The following TENM2 variants were observed in gnomAD, a reference collection of about 807,000 sequenced individuals.
TENM2 encodes teneurin-2.
In TENM2, 52 loss-of-function variants were observed where a neutral mutation model predicts 245.2. The ratio of observed to expected loss-of-function variants is 0.21; its 90% CI spans 0.17 to 0.27. The LOEUF is 0.27. TENM2 is among the 10% of genes least tolerant of loss of function. The probability of loss-of-function intolerance (pLI) is 1.00; values close to 1 mark genes in which losing one functional copy is unlikely to be tolerated. For synonymous variants in TENM2, 1,363 were observed against 1,438.9 expected (o/e 0.95, Z 1.19); for missense variants, 3,046 against 3,666.8 (o/e 0.83, Z 4.37).
intron 2 of TENM2, among the ~76,000 whole-genome samples, chr5:167,545,635 A>C (rs1313235269): frequency 6.6e-6 from 1 of 152,242 alleles, no homozygotes; most frequent in Non-Finnish European, 1.5e-5. Context: ...AACCACTTAC[A>C]CTAAAATCTG....
intron 2 of TENM2, among the ~76,000 whole-genome samples, chr5:167,380,371 T>C (rs1761025819): frequency 6.6e-6 from 1 of 152,152 alleles, no homozygotes; most frequent in African/African-American, 2.4e-5. Context: ...GTTCTGCAAA[T>C]GGACTCGTAT....
intron 23 of TENM2, among the ~76,000 whole-genome samples, chr5:168,225,725 C>T (rs992526331): frequency 1.4e-4 from 20 of 146,906 alleles, no homozygotes; most frequent in African/African-American, 2.0e-4. Flanking sequence ...TGTGCCACTG[C>T]ACTCCAGCCT....
intron 2 of TENM2, among the ~76,000 whole-genome samples, chr5:167,805,480 C>G (rs1766097239): frequency 6.6e-6 from 1 of 152,194 alleles, no homozygotes; most frequent in Admixed American, 6.5e-5. Context: ...ACTTTGTTTC[C>G]TAGCAGCTCA....
At chr5:167,413,061 A>G (rs747642591) in intron 2 of TENM2, among the ~76,000 whole-genome samples, 44 of 152,104 alleles carry the variant, frequency 2.9e-4, no homozygotes, top group Non-Finnish European at 5.3e-4. Flanking sequence ...AGTTATCTAG[A>G]AACATTTTTG....
At chr5:167,858,666 G>A (rs1204310315) in intron 2 of TENM2, among the ~76,000 whole-genome samples, 4 of 151,420 alleles carry the variant, frequency 2.6e-5, no homozygotes, top group South Asian at 2.1e-4. Flanking sequence ...CGGGACAGTC[G>A]CGGCGCTGAC....
At chr5:167,228,447 C>G in the TENM2 span, among the ~76,000 whole-genome samples, 1 of 151,754 alleles carries the variant, frequency 6.6e-6, no homozygotes, top group Non-Finnish European at 1.5e-5. Flanking sequence ...TGATGTATAT[C>G]TCTGTGGCAA....
intron 2 of TENM2, among the ~76,000 whole-genome samples, chr5:167,658,378 T>C (rs1754989310): frequency 6.6e-6 from 1 of 152,050 alleles, no homozygotes; most frequent in Non-Finnish European, 1.5e-5. Flanking sequence ...CCAGCTAATT[T>C]TGTATTTTTA....
intron 2 of TENM2, among the ~76,000 whole-genome samples, chr5:167,732,020 G>A (rs1760476533): frequency 1.3e-5 from 2 of 152,078 alleles, no homozygotes; most frequent in Admixed American, 1.3e-4. Flanking sequence ...TTAATCCCTT[G>A]GAAAGTAAAA....
intron 1 of TENM2, among the ~76,000 whole-genome samples, chr5:167,339,224 G>A (rs1251993351): frequency 2.0e-5 from 3 of 152,166 alleles, no homozygotes; most frequent in Non-Finnish European, 4.4e-5. Context: ...CTCTCCTGCT[G>A]TAACACTGTG....
chr5:167,350,175 A>T (rs1347109587), intron 1 of TENM2, among the ~76,000 whole-genome samples: 1 of 152,106 alleles, frequency 6.6e-6, no homozygotes, highest in Non-Finnish European at 1.5e-5. Context: ...GGCCACTTTC[A>T]TGTCCTTCCC....
the TENM2 span, among the ~76,000 whole-genome samples, chr5:167,070,933 A>C: frequency 6.6e-6 from 1 of 152,196 alleles, no homozygotes; most frequent in East Asian, 1.9e-4. Flanking sequence ...GTCTTATTAT[A>C]GTTTTTTTAC....
intron 1 of TENM2, among the ~76,000 whole-genome samples, chr5:167,316,913 G>A (rs1756397222): frequency 1.3e-5 from 2 of 152,110 alleles, no homozygotes; most frequent in Admixed American, 1.3e-4. Flanking sequence ...GCTCTTCTAA[G>A]ACTGTTGCCA....
chr5:167,555,960 A>T (rs1773236968), intron 2 of TENM2, among the ~76,000 whole-genome samples: 1 of 152,184 alleles, frequency 6.6e-6, no homozygotes, highest in Non-Finnish European at 1.5e-5. Context: ...GAGCCGCATT[A>T]GTTCTCAAAT....
chr5:167,541,169 T>C (rs1772187608), intron 2 of TENM2, among the ~76,000 whole-genome samples: 1 of 152,218 alleles, frequency 6.6e-6, no homozygotes, highest in African/African-American at 2.4e-5. Context: ...CAATCCCTTC[T>C]TCTAATAAAA....
At chr5:167,875,279 G>C (rs984384607) in intron 2 of TENM2, among the ~76,000 whole-genome samples, 8 of 152,094 alleles carry the variant, frequency 5.3e-5, no homozygotes, top group African/African-American at 1.9e-4. Flanking sequence ...GGTTGGGGGT[G>C]GTGTCCTGCA....
chr5:167,093,177 G>A, the TENM2 span, among the ~76,000 whole-genome samples: 280 of 152,242 alleles, frequency 1.8e-3, 1 homozygote, highest in Non-Finnish European at 3.5e-3. Context: ...ACAAGAAAAA[G>A]AATGCTCCAG....
At chr5:167,128,569 C>G in the TENM2 span, among the ~76,000 whole-genome samples, 1 of 150,330 alleles carries the variant, frequency 6.7e-6, no homozygotes, top group African/African-American at 2.4e-5. Context: ...AAAAAAAAAG[C>G]CCCTGTTCCC....
At chr5:167,302,644 A>G (rs1755409993) in intron 1 of TENM2, among the ~76,000 whole-genome samples, 1 of 149,702 alleles carries the variant, frequency 6.7e-6, no homozygotes, top group Non-Finnish European at 1.5e-5. Flanking sequence ...GGGTCAGGGC[A>G]TGGAAATAAG....
chr5:167,556,820 C>T (rs907264120), intron 2 of TENM2, among the ~76,000 whole-genome samples: 2 of 152,026 alleles, frequency 1.3e-5, no homozygotes, highest in African/African-American at 4.8e-5. Flanking sequence ...CAGCAAGTAC[C>T]CCCCATCCCT....
Sources: gnomAD v4.1 joint callset for allele counts (sites outside exome capture counted in the v4.1 genomes callset) on GRCh38, gnomAD v4.1.1 for gene constraint, MANE v1.5 for transcripts, NCBI Gene and HGNC (gene_info 2026-07-23, HGNC 2026-07-21) for gene names.